NEGR1: variants seen among roughly 807,000 people sequenced by gnomAD.
NEGR1 encodes IgLON family member 4.
Under a neutral mutation model 40.9 loss-of-function variants are expected in NEGR1, and 10 were observed. The observed-to-expected ratio is 0.24, with a 90% CI of 0.15 to 0.42. The LOEUF is 0.42. Ranked by LOEUF, NEGR1 falls within the 10% of genes least tolerant of loss-of-function variation. NEGR1 has a pLI of 1.00. For synonymous variants in NEGR1, 185 were observed against 166.8 expected, an observed-to-expected ratio of 1.11 and a Z score of -0.84; for missense variants, 352 against 438.9, an observed-to-expected ratio of 0.80 and a Z score of 1.77.
intron 1 of NEGR1, among the ~76,000 whole-genome samples, chr1:72,192,493 C>T (rs1652853584): frequency 6.6e-6 from 1 of 151,696 alleles, no homozygotes; most frequent in Admixed American, 6.6e-5. Flanking sequence ...GTACTGATTC[C>T]ACATACCTTC....
chr1:72,212,750 A>G (rs1052097228), intron 1 of NEGR1, among the ~76,000 whole-genome samples: 7 of 152,002 alleles, frequency 4.6e-5, no homozygotes, highest in African/African-American at 1.7e-4. Context: ...CTGCTTATTC[A>G]ATAGGATTGG....
At chr1:72,210,812 C>T (rs1268635592) in intron 1 of NEGR1, among the ~76,000 whole-genome samples, 1 of 151,624 alleles carries the variant, frequency 6.6e-6, no homozygotes, top group Non-Finnish European at 1.5e-5. Flanking sequence ...CAATATAAAC[C>T]AACGTATTTT....
At chr1:71,415,844 C>A (rs1646351169) in intron 6 of NEGR1, among the ~76,000 whole-genome samples, 1 of 152,096 alleles carries the variant, frequency 6.6e-6, no homozygotes, top group Non-Finnish European at 1.5e-5. Flanking sequence ...GGTATGGCAA[C>A]TCCTACCAGG....
intron 2 of NEGR1, among the ~76,000 whole-genome samples, chr1:71,788,152 A>G (rs1656979779): frequency 6.6e-6 from 1 of 152,142 alleles, no homozygotes; most frequent in Non-Finnish European, 1.5e-5. Context: ...TTTCTCAAAG[A>G]GAACCTTTAT....
chr1:72,237,729 C>A (rs1242362738), intron 1 of NEGR1, among the ~76,000 whole-genome samples: 1 of 151,858 alleles, frequency 6.6e-6, no homozygotes, highest in Non-Finnish European at 1.5e-5. Context: ...TTTTATTAGA[C>A]CCTTTCTTTG....
intron 2 of NEGR1, among the ~76,000 whole-genome samples, chr1:71,809,010 T>TTGCA (rs1195025560): frequency 6.6e-6 from 1 of 152,178 alleles, no homozygotes; most frequent in East Asian, 1.9e-4. Flanking sequence ...AGATCCTTAG[T>TTGCA]TGCATTGTGA....
chr1:71,912,957 A>T (rs1249756162), intron 2 of NEGR1, among the ~76,000 whole-genome samples: 2 of 152,080 alleles, frequency 1.3e-5, no homozygotes, highest in African/African-American at 4.8e-5. Context: ...TTTAGCACTA[A>T]TTTTAAATTG....
At chr1:71,840,157 T>C (rs1659188001) in intron 2 of NEGR1, among the ~76,000 whole-genome samples, 1 of 152,122 alleles carries the variant, frequency 6.6e-6, no homozygotes, top group Non-Finnish European at 1.5e-5. Context: ...CAGTTTGAGT[T>C]TCCCTATCAT....
At chr1:71,446,794 G>A (rs563954170) in intron 6 of NEGR1, among the ~76,000 whole-genome samples, 3 of 152,228 alleles carry the variant, frequency 2.0e-5, no homozygotes, top group East Asian at 3.9e-4. Flanking sequence ...AAGTCACTAC[G>A]TCCCCCTTCT....
At chr1:72,260,695 A>C (rs1655425364) in intron 1 of NEGR1, among the ~76,000 whole-genome samples, 1 of 152,090 alleles carries the variant, frequency 6.6e-6, no homozygotes, top group Non-Finnish European at 1.5e-5. Context: ...AAATTTTCTA[A>C]ATAGTTGCTC....
At chr1:71,896,613 T>C (rs561269386) in intron 2 of NEGR1, among the ~76,000 whole-genome samples, 1 of 152,340 alleles carries the variant, frequency 6.6e-6, no homozygotes, top group African/African-American at 2.4e-5. Flanking sequence ...TAAAAAACCA[T>C]TGCCTAAGCT....
chr1:71,925,499 G>A (rs1207934054), intron 2 of NEGR1, among the ~76,000 whole-genome samples: 3 of 152,166 alleles, frequency 2.0e-5, no homozygotes, highest in Non-Finnish European at 4.4e-5. Flanking sequence ...TTTGCCACCA[G>A]TTTTAATTGT....
At chr1:72,256,801 T>A (rs1330128003) in intron 1 of NEGR1, among the ~76,000 whole-genome samples, 1 of 152,188 alleles carries the variant, frequency 6.6e-6, no homozygotes, top group Non-Finnish European at 1.5e-5. Context: ...AATGTGCATA[T>A]AAAATCCATG....
At chr1:71,988,873 A>G (rs11805368) in intron 1 of NEGR1, among the ~76,000 whole-genome samples, 1 of 147,488 alleles carries the variant, frequency 6.8e-6, no homozygotes, top group African/African-American at 2.5e-5. Context: ...AGGAAAAACC[A>G]CATATCCATG....
chr1:72,043,245 A>G (rs1155261), intron 1 of NEGR1, among the ~76,000 whole-genome samples: 25,827 of 151,790 alleles, frequency 0.17, 2,867 homozygotes, highest in East Asian at 0.45. Context: ...AGTAATCTCT[A>G]CATTTTCTCT....
chr1:71,935,028 A>G, intron 2 of NEGR1, 51 bp downstream of exon 2: 1 of 1,072,532 alleles, frequency 9.3e-7, no homozygotes, highest in Non-Finnish European at 1.4e-6. Flanking sequence ...CTAAATATTA[A>G]ATATTTCTAA....
chr1:71,423,168 C>T (rs972968273), intron 6 of NEGR1, among the ~76,000 whole-genome samples: 2 of 151,974 alleles, frequency 1.3e-5, no homozygotes, highest in African/African-American at 4.8e-5. Context: ...CAGGAGGATC[C>T]CTAGAGGCCA....
intron 6 of NEGR1, among the ~76,000 whole-genome samples, chr1:71,478,621 C>T (rs2101368809): frequency 6.6e-6 from 1 of 152,078 alleles, no homozygotes; most frequent in East Asian, 1.9e-4. Flanking sequence ...TATCCTATTC[C>T]TCTGGACATA....
chr1:71,873,724 T>C (rs1660345459), intron 2 of NEGR1, among the ~76,000 whole-genome samples: 1 of 152,168 alleles, frequency 6.6e-6, no homozygotes, highest in African/African-American at 2.4e-5. Context: ...TAGACTATGA[T>C]GGGTAATGCC....
Sources: allele counts gnomAD v4.1 joint callset (sites outside exome capture counted in the v4.1 genomes callset), GRCh38; gene constraint gnomAD v4.1.1; transcripts MANE v1.5; gene names NCBI Gene and HGNC (gene_info 2026-07-23, HGNC 2026-07-21).